The following MYT1L variants were observed in gnomAD, a reference collection of about 807,000 sequenced individuals.
MYT1L encodes the protein myelin transcription factor 1-like protein.
A neutral mutation model predicts 126.7 loss-of-function variants in MYT1L; 12 were observed. That is an observed-to-expected ratio of 0.09 (90% confidence interval 0.06 to 0.15). MYT1L has a LOEUF of 0.15. Among genes scored for constraint, MYT1L ranks in the 10% least tolerant of loss-of-function variants. The pLI is 1.00. For synonymous variants in MYT1L, 541 were observed against 604.2 expected, an observed-to-expected ratio of 0.90 and a Z score of 1.53; for missense variants, 979 against 1,585.2, an observed-to-expected ratio of 0.62 and a Z score of 6.49.
At chr2:2,029,959 C>T (rs973446283) in intron 4 of MYT1L, among the ~76,000 whole-genome samples, 4 of 152,104 alleles carry the variant, frequency 2.6e-5, no homozygotes, top group African/African-American at 7.2e-5. Flanking sequence ...AATTTACCTT[C>T]TTATAGAGTT....
At chr2:2,091,262 T>C (rs1052078629) in intron 3 of MYT1L, among the ~76,000 whole-genome samples, 2 of 152,250 alleles carry the variant, frequency 1.3e-5, no homozygotes, top group Non-Finnish European at 2.9e-5. Flanking sequence ...GTCTGTAGAA[T>C]GGATGTTGTG....
At chr2:2,196,907 T>G (rs1036143747) in intron 2 of MYT1L, among the ~76,000 whole-genome samples, 4 of 152,038 alleles carry the variant, frequency 2.6e-5, no homozygotes, top group African/African-American at 9.7e-5. Flanking sequence ...TAGTCAAAGA[T>G]TATCACACCA....
chr2:2,143,534 TACTC>T (rs2084370165), intron 3 of MYT1L, among the ~76,000 whole-genome samples: 1 of 152,080 alleles, frequency 6.6e-6, no homozygotes, highest in African/African-American at 2.4e-5. Context: ...GAGCCTCACT[TACTC>T]ACGTACCACT....
At chr2:2,067,868 G>C (rs965908657) in intron 3 of MYT1L, among the ~76,000 whole-genome samples, 5 of 152,064 alleles carry the variant, frequency 3.3e-5, no homozygotes, top group African/African-American at 1.2e-4. Flanking sequence ...TGCAGAAAAT[G>C]TTAAGCATTT....
intron 3 of MYT1L, among the ~76,000 whole-genome samples, chr2:2,107,852 G>A (rs959740482): frequency 1.3e-5 from 2 of 152,164 alleles, no homozygotes; most frequent in Non-Finnish European, 2.9e-5. Flanking sequence ...AAGGCGGGCC[G>A]CTGCTCTGCC....
chr2:2,252,654 C>A (rs1297519565), intron 2 of MYT1L, among the ~76,000 whole-genome samples: 20 of 152,186 alleles, frequency 1.3e-4, no homozygotes. Context: ...GGGAAGACAG[C>A]AGCAGGGAGG....
At chr2:2,237,978 T>C (rs1319099913) in intron 2 of MYT1L, among the ~76,000 whole-genome samples, 2 of 152,212 alleles carry the variant, frequency 1.3e-5, no homozygotes, top group East Asian at 3.8e-4. Context: ...ACCACAGGCT[T>C]TCACTTTCCA....
At chr2:2,251,008 G>A (rs543596870) in intron 2 of MYT1L, among the ~76,000 whole-genome samples, 6 of 152,092 alleles carry the variant, frequency 3.9e-5, no homozygotes, top group South Asian at 2.1e-4. Context: ...ATATTTTGCC[G>A]ACTTAATGTT....
At chr2:1,978,983 A>T (rs2060388484) in intron 8 of MYT1L, among the ~76,000 whole-genome samples, 182 bp downstream of exon 8, 1 of 152,112 alleles carries the variant, frequency 6.6e-6, no homozygotes, top group Admixed American at 6.5e-5. Context: ...ACGAGATCGA[A>T]CGGCTTATGT....
intron 2 of MYT1L, among the ~76,000 whole-genome samples, chr2:2,195,231 C>G (rs2092749365): frequency 6.6e-6 from 1 of 152,180 alleles, no homozygotes; most frequent in Non-Finnish European, 1.5e-5. Context: ...GAAGGTTTGT[C>G]AAAATTGCAT....
intron 11 of MYT1L, among the ~76,000 whole-genome samples, chr2:1,914,079 C>T (rs1481352679): frequency 1.3e-5 from 2 of 152,062 alleles, no homozygotes; most frequent in Non-Finnish European, 2.9e-5. Flanking sequence ...TATGGTGAAA[C>T]CCCGTCTCTA....
chr2:1,896,742 G>A (rs2049624638), intron 14 of MYT1L, among the ~76,000 whole-genome samples: 1 of 152,112 alleles, frequency 6.6e-6, no homozygotes, highest in Non-Finnish European at 1.5e-5. Flanking sequence ...CACTACCTGG[G>A]TGCAATATGC....
rs183169467 is a variant in MYT1L, at chr2:2,116,397, T to C, written c.-304+56475A>G. Among the ~76,000 whole-genome samples the C allele has an allele frequency of 4.9e-3, 745 of 152,350 alleles. 5 individuals are homozygous for C. The highest frequency in any genetic ancestry group is 0.017 in the African/African-American group (720 of 41,580). ...GCCTCTCTTCTCCATTCTCTGCCCT[T>C]GCTCCCAGGAGATCTCAATCACAGT... On this transcript the variant is annotated intron_variant, in intron 3 of 24. Transcript: ENST00000647738.
intron 3 of MYT1L, among the ~76,000 whole-genome samples, chr2:2,159,155 T>C (rs1191526861): frequency 6.6e-6 from 1 of 151,922 alleles, no homozygotes; most frequent in Non-Finnish European, 1.5e-5. Flanking sequence ...AGGAAAATAC[T>C]TGGTGAAGCA....
intron 4 of MYT1L, among the ~76,000 whole-genome samples, chr2:2,045,441 T>C (rs143071785): frequency 9.9e-4 from 151 of 152,350 alleles, no homozygotes; most frequent in Non-Finnish European, 1.9e-3. Flanking sequence ...AACTCCTGTC[T>C]GCAAGTGCTT....
At chr2:1,909,070 T>C (rs2051513008) in intron 13 of MYT1L, among the ~76,000 whole-genome samples, 2 of 152,216 alleles carry the variant, frequency 1.3e-5, no homozygotes, top group South Asian at 4.1e-4. Flanking sequence ...AGGATATTCA[T>C]ATTGTTTGCC....
chr2:2,125,445 T>C (rs2147948268), intron 3 of MYT1L, among the ~76,000 whole-genome samples: 1 of 152,352 alleles, frequency 6.6e-6, no homozygotes, highest in African/African-American at 2.4e-5. Context: ...ATGTATCCTT[T>C]ACTAAACTGT....
intron 4 of MYT1L, among the ~76,000 whole-genome samples, chr2:2,022,149 AAT>A (rs1421783554): frequency 6.6e-6 from 1 of 152,212 alleles, no homozygotes; most frequent in Non-Finnish European, 1.5e-5. Flanking sequence ...ATGTTGGTTA[AAT>A]ATGGCCTTAC....
chr2:2,032,314 T>G (rs576650307), intron 4 of MYT1L, among the ~76,000 whole-genome samples: 1 of 118,796 alleles, frequency 8.4e-6, no homozygotes, highest in South Asian at 3.3e-4. Context: ...TCTCATCCTG[T>G]GGCCCAGAGC....
Sources: gnomAD v4.1 joint callset for allele counts (sites outside exome capture counted in the v4.1 genomes callset) on GRCh38, gnomAD v4.1.1 for gene constraint, MANE v1.5 for transcripts, NCBI Gene and HGNC (gene_info 2026-07-23, HGNC 2026-07-21) for gene names.